ATM: variants seen among roughly 807,000 people sequenced by gnomAD.
ATM encodes serine-protein kinase ATM.
ATM carries 308 observed loss-of-function variants against 387.0 expected under a neutral mutation model. The ratio of observed to expected loss-of-function variants is 0.80; its 90% confidence interval spans 0.73 to 0.87. The LOEUF (loss-of-function observed/expected upper bound fraction) is 0.87, where lower values mean the gene tolerates loss of function less well. ATM is among the 40% of genes least tolerant of loss of function. The pLI is 0.00. For synonymous variants in ATM, 1,156 were observed against 1,187.3 expected (o/e 0.97, Z 0.54); for missense variants, 3,312 against 3,560.9 (o/e 0.93, Z 1.78).
intron 18 of ATM, among the ~76,000 whole-genome samples, chr11:108,269,434 A>C (rs1404001197): frequency 1.3e-5 from 2 of 152,206 alleles, no homozygotes; most frequent in Non-Finnish European, 2.9e-5. Context: ...CTGTTGATAG[A>C]TATCTTCAAA....
At chr11:108,334,566 A>C (rs1445253537) in intron 54 of ATM, among the ~76,000 whole-genome samples, 1 of 152,202 alleles carries the variant, frequency 6.6e-6, no homozygotes, top group African/African-American at 2.4e-5. Flanking sequence ...TTTAGTGCTT[A>C]GTATCTAGTT....
chr11:108,251,736 G>A (rs1403292382), intron 10 of ATM, 101 bp from the exon 11 acceptor site: 2 of 1,140,310 alleles, frequency 1.8e-6, no homozygotes, highest in Non-Finnish European at 2.6e-6. Context: ...TGTTCATTTA[G>A]TCACCTTAAC....
At chr11:108,242,308 T>A (rs1191037847) in intron 5 of ATM, among the ~76,000 whole-genome samples, 1 of 152,192 alleles carries the variant, frequency 6.6e-6, no homozygotes, top group African/African-American at 2.4e-5. Flanking sequence ...ATAGATAATT[T>A]GACTAGTCCC....
chr11:108,297,389 T>C lies in ATM; in HGVS notation c.5005+7T>C, dbSNP rs527286038. 1.2e-5 allele frequency: 20 copies of C among 1,606,226 alleles called. No individual in the cohort carries two copies. The South Asian group carries it at 1.8e-4, about 14-fold the overall frequency. ...GGTGAAAAAGAAGTTCTAGGTAAACTACAGTCATGCGCTGCGTGACATTTC... is the reference window on the plus strand; with the variant it reads ...GGTGAAAAAGAAGTTCTAGGTAAACCACAGTCATGCGCTGCGTGACATTTC... On this transcript the variant is annotated splice_region_variant and intron_variant, in intron 33 of 62. Transcript: ENST00000675843.
At chr11:108,293,558 A>G (rs2135815988) in intron 31 of ATM, 81 bp downstream of exon 31, 1 of 1,226,726 alleles carries the variant, frequency 8.2e-7, no homozygotes, top group Non-Finnish European at 1.2e-6. Context: ...CTCTAGCAGT[A>G]AAAAATGGAA....
intron 16 of ATM, among the ~76,000 whole-genome samples, chr11:108,262,664 C>T (rs1161911651): frequency 2.6e-5 from 4 of 151,660 alleles, no homozygotes; most frequent in Non-Finnish European, 5.9e-5. Flanking sequence ...GGACTAAATG[C>T]TCCAATTAAA....
At chr11:108,331,349 T>C in intron 50 of ATM, 95 bp from the exon 51 acceptor site, 4 of 1,507,534 alleles carry the variant, frequency 2.7e-6, no homozygotes, top group East Asian at 5.1e-5. Flanking sequence ...CTTGTGCTAA[T>C]AGAGGAGCAC....
chr11:108,275,086 C>G (rs1025322084), intron 22 of ATM, among the ~76,000 whole-genome samples: 1 of 152,198 alleles, frequency 6.6e-6, no homozygotes, highest in African/African-American at 2.4e-5. Context: ...ATAGTTAGCA[C>G]TTCTTGTTGC....
At chr11:108,276,567 A>G (rs2081961250) in intron 22 of ATM, among the ~76,000 whole-genome samples, 1 of 151,900 alleles carries the variant, frequency 6.6e-6, no homozygotes. Flanking sequence ...CTTTTTGTTG[A>G]TGTTGATGCT....
chr11:108,307,858 G>T, intron 37 of ATM, 39 bp from the exon 38 acceptor site: 1 of 1,542,178 alleles, frequency 6.5e-7, no homozygotes, highest in South Asian at 1.1e-5. Flanking sequence ...GTGTAAGCAA[G>T]AATGCCTGGG....
chr11:108,293,957 C>T (rs577518125), intron 31 of ATM, among the ~76,000 whole-genome samples: 7 of 142,004 alleles, frequency 4.9e-5, no homozygotes, highest in East Asian at 4.1e-4. Flanking sequence ...GTGTGTGTAA[C>T]GTGAGATCTA....
At chr11:108,270,641 AC>A (rs1489010417) in intron 18 of ATM, among the ~76,000 whole-genome samples, 2 of 151,976 alleles carry the variant, frequency 1.3e-5, no homozygotes, top group East Asian at 3.8e-4. Context: ...TTAAATATTT[AC>A]AGCTGTGTGT....
chr11:108,368,288 C>T lies in ATM; in HGVS notation c.*2780C>T, dbSNP rs1246719124. 1 of 90,146 alleles carries T rather than the reference C, an allele frequency of 1.1e-5. No homozygotes were observed. Among genetic ancestry groups the T allele is most frequent in the Non-Finnish European group, 2.2e-5 (1 of 44,838 alleles). The allele number at this position is 90,146 out of a possible 1,614,324, so 5.6% of individuals were successfully genotyped here. A position where few individuals can be genotyped will look rare whatever the true frequency, so the allele number is the denominator to read the frequency against. On this transcript the variant is annotated 3_prime_UTR_variant, in exon 63 of 63. Transcript: ENST00000675843. ...TTGGCGACAGAGCAAGACTCTGCCT[C>T]AAAAAAAAAAAAAAAAAGGTTTTGG...
chr11:108,348,369 TTAATA>T (rs1268402189), intron 59 of ATM, among the ~76,000 whole-genome samples: 3 of 151,436 alleles, frequency 2.0e-5, no homozygotes, highest in African/African-American at 7.3e-5. Context: ...AATAGACAGT[TTAATA>T]TATAAGAAAG....
chr11:108,229,683 GATTT>G lies in ATM; in HGVS notation c.331+370_331+373del, dbSNP rs544561224. On this transcript the variant is annotated intron_variant, in intron 4 of 62. Coordinates refer to ENST00000675843, the MANE Select transcript of ATM (RefSeq NM_000051.4). ...ATGACAGAAATCTGAGGATTGAAGG[GATTT>G]ATTTATTTAAGAGATAGGGTGTCAC... 339 of 214,640 alleles carry G rather than the reference GATTT, an allele frequency of 1.6e-3. 3 individuals are homozygous for G. Among genetic ancestry groups the G allele is most frequent in the African/African-American group, 7.7e-3 (325 of 42,110 alleles). The allele number at this position is 214,640 out of a possible 1,614,324, so 13.3% of individuals were successfully genotyped here.
chr11:108,248,057 G>A (rs1351563957), intron 8 of ATM, among the ~76,000 whole-genome samples: 1 of 152,160 alleles, frequency 6.6e-6, no homozygotes, highest in East Asian at 1.9e-4. Context: ...CAATATGTGA[G>A]TCTTTTGTGT....
chr11:108,332,433 AAATT>A lies in ATM; in HGVS notation c.7789-306_7789-303del, dbSNP rs4988124. ...GGCAACAAGAGCGAAACTCTGTCTC[AAATT>A]AATTAATTAATTAATTAATTAAAAT... is the stretch of plus-strand genomic sequence containing the variant. On this transcript the variant is annotated intron_variant, in intron 52 of 62. Transcript: ENST00000675843. Among the ~76,000 whole-genome samples the A allele has an allele frequency of 8.7e-3, 1,323 of 151,726 alleles. 16 individuals are homozygous for A. Among genetic ancestry groups the A allele is most frequent in the Non-Finnish European group, 0.01 (704 of 67,772 alleles).
chr11:108,301,824 G>C (rs2135917082), intron 35 of ATM, 35 bp downstream of exon 35: 1 of 1,606,572 alleles, frequency 6.2e-7, no homozygotes, highest in Non-Finnish European at 8.5e-7. Flanking sequence ...TGAATACCCA[G>C]CATATCTAAA....
At chr11:108,307,665 GTCC>G (rs1464451406) in intron 37 of ATM, among the ~76,000 whole-genome samples, 1 of 152,102 alleles carries the variant, frequency 6.6e-6, no homozygotes, top group Non-Finnish European at 1.5e-5. Context: ...CAATTAATTA[GTCC>G]TCCTTTGAAA....
Sources: allele counts gnomAD v4.1 joint callset (sites outside exome capture counted in the v4.1 genomes callset), GRCh38; gene constraint gnomAD v4.1.1; transcripts MANE v1.5; gene names NCBI Gene and HGNC (gene_info 2026-07-23, HGNC 2026-07-21).